Variants in FSTL5 observed in about 807,000 individuals in gnomAD.
The protein encoded by FSTL5 is follistatin like 5.
Under a neutral mutation model 89.1 loss-of-function variants are expected in FSTL5, and 62 were observed. That is an observed-to-expected ratio of 0.70 (90% CI 0.57 to 0.86). The LOEUF (loss-of-function observed/expected upper bound fraction) is 0.86, where lower values mean the gene tolerates loss of function less well. Among genes scored for constraint, FSTL5 ranks in the 40% least tolerant of loss-of-function variants. The pLI is 0.00. For missense variants in FSTL5, 1,057 were observed against 1,001.6 expected, an observed-to-expected ratio of 1.06 and a Z score of -0.75; for synonymous variants, 383 against 346.2, an observed-to-expected ratio of 1.11 and a Z score of -1.18.
chr4:161,774,871 A>C (rs960290730), intron 5 of FSTL5, among the ~76,000 whole-genome samples: 2 of 152,112 alleles, frequency 1.3e-5, no homozygotes, highest in Non-Finnish European at 2.9e-5. Flanking sequence ...TTCCAATTTT[A>C]CTCTGAATTC....
At chr4:162,141,099 CTT>C (rs1732715000) in intron 1 of FSTL5, among the ~76,000 whole-genome samples, 1 of 121,348 alleles carries the variant, frequency 8.2e-6, no homozygotes, top group Admixed American at 8.9e-5. Context: ...ACCTCCCTCC[CTT>C]CTCTCTTTTT....
intron 6 of FSTL5, among the ~76,000 whole-genome samples, chr4:161,717,670 T>TA (rs925339589): frequency 2.0e-5 from 3 of 151,982 alleles, no homozygotes; most frequent in Admixed American, 6.6e-5. Context: ...AACTTTTATG[T>TA]AAAAAAAACT....
chr4:161,956,551 A>G (rs1735031476), intron 3 of FSTL5, among the ~76,000 whole-genome samples: 1 of 151,946 alleles, frequency 6.6e-6, no homozygotes, highest in Admixed American at 6.6e-5. Flanking sequence ...ACAAAAGATT[A>G]GTATCTATTA....
intron 3 of FSTL5, among the ~76,000 whole-genome samples, chr4:161,979,491 G>A (rs1735754851): frequency 6.6e-6 from 1 of 151,872 alleles, no homozygotes; most frequent in East Asian, 1.9e-4. Flanking sequence ...TTATTAGCTT[G>A]TCTTAAAAAC....
At chr4:161,649,663 C>T (rs1029759715) in intron 7 of FSTL5, among the ~76,000 whole-genome samples, 1 of 152,084 alleles carries the variant, frequency 6.6e-6, no homozygotes, top group Non-Finnish European at 1.5e-5. Context: ...TTGTTGTCAC[C>T]AAATAGTCAT....
intron 7 of FSTL5, among the ~76,000 whole-genome samples, chr4:161,594,102 G>A (rs970033954): frequency 6.6e-6 from 1 of 152,142 alleles, no homozygotes; most frequent in South Asian, 2.1e-4. Flanking sequence ...AATAATTACC[G>A]ATGGCCAGAA....
intron 2 of FSTL5, among the ~76,000 whole-genome samples, chr4:162,067,419 A>G (rs1738956751): frequency 6.6e-6 from 1 of 152,044 alleles, no homozygotes; most frequent in African/African-American, 2.4e-5. Context: ...TGTTTTTGCT[A>G]TTGTGAATTA....
chr4:161,596,377 T>G (rs963395655), intron 7 of FSTL5, among the ~76,000 whole-genome samples: 7 of 151,878 alleles, frequency 4.6e-5, no homozygotes, highest in Admixed American at 2.6e-4. Context: ...TTGCTTAAAA[T>G]TATTAAGCAA....
chr4:161,973,434 T>A (rs932282039), intron 3 of FSTL5, among the ~76,000 whole-genome samples: 3 of 152,212 alleles, frequency 2.0e-5, no homozygotes, highest in African/African-American at 4.8e-5. Context: ...TACTTAAGTA[T>A]TTCAAATGAT....
At chr4:162,000,302 T>A (rs1333323811) in intron 3 of FSTL5, among the ~76,000 whole-genome samples, 1 of 152,012 alleles carries the variant, frequency 6.6e-6, no homozygotes, top group Non-Finnish European at 1.5e-5. Context: ...TTTTAAGAAA[T>A]ATAACAGGCC....
intron 15 of FSTL5, among the ~76,000 whole-genome samples, chr4:161,428,936 T>C (rs1732258835): frequency 6.6e-6 from 1 of 151,914 alleles, no homozygotes; most frequent in African/African-American, 2.4e-5. Flanking sequence ...GAGGTTTGGA[T>C]TCTAGATTTT....
rs147909052 is a variant in FSTL5 at position 161,662,413 on chromosome 4, C to A, written c.728-5919G>T. Among the ~76,000 whole-genome samples, 917 of 152,196 alleles carry A rather than the reference C, an allele frequency of 6.0e-3. 9 individuals carry two copies. Among genetic ancestry groups the A allele is most frequent in the South Asian group, 0.046 (220 of 4,830 alleles). On this transcript the variant is annotated intron_variant, in intron 6 of 15. Transcript: ENST00000306100. The stretch of plus-strand genomic sequence containing the variant: ...TATGAAAATAAAATTCCAGGTTAGA[C>A]ATTTTTACCATAAATAATAGAACTA...
intron 4 of FSTL5, among the ~76,000 whole-genome samples, chr4:161,906,946 G>A (rs1733554014): frequency 6.6e-6 from 1 of 152,066 alleles, no homozygotes; most frequent in African/African-American, 2.4e-5. Context: ...TACGGAGGTT[G>A]GTATGCATAC....
chr4:161,681,771 A>C (rs1207678657), intron 6 of FSTL5, among the ~76,000 whole-genome samples: 3 of 152,292 alleles, frequency 2.0e-5, no homozygotes, highest in Middle Eastern at 3.4e-3. Context: ...GAAAGGTTAA[A>C]TTTTAGAATA....
chr4:161,787,887 T>G (rs1741959603), intron 4 of FSTL5, among the ~76,000 whole-genome samples: 1 of 152,206 alleles, frequency 6.6e-6, no homozygotes, highest in Non-Finnish European at 1.5e-5. Flanking sequence ...AGTTGCTTTT[T>G]CATTAATTTG....
intron 4 of FSTL5, among the ~76,000 whole-genome samples, chr4:161,904,656 C>A (rs935102976): frequency 6.6e-6 from 1 of 150,670 alleles, no homozygotes; most frequent in Non-Finnish European, 1.5e-5. Context: ...CACAATAATC[C>A]CCCAAAATAT....
At chr4:161,556,937 T>G (rs1732415665) in intron 8 of FSTL5, among the ~76,000 whole-genome samples, 1 of 151,070 alleles carries the variant, frequency 6.6e-6, no homozygotes, top group African/African-American at 2.4e-5. Context: ...AGAACAATTT[T>G]TATATAAACT....
chr4:161,781,918 C>A (rs1396538935), intron 4 of FSTL5, among the ~76,000 whole-genome samples: 2 of 152,086 alleles, frequency 1.3e-5, no homozygotes, highest in Non-Finnish European at 2.9e-5. Context: ...CTCCTGTAAC[C>A]CTTGGCAACC....
At position 161,421,323 on chromosome 4, in the gene FSTL5, A is replaced by G. The variant is rs113312804; in HGVS notation, c.1841+33681T>C. ...GCCACTGCACTCCAGCCTGGGCTAC[A>G]GAGCAAAAGACTGTCTCAAAAAAAA... On this transcript the variant is annotated intron_variant, in intron 15 of 15. Coordinates refer to ENST00000306100, the MANE Select transcript of FSTL5 (RefSeq NM_020116.5). 8.9e-3 allele frequency among the ~76,000 whole-genome samples: 1,334 copies of G among 149,904 alleles called. 3 individuals are homozygous for G. Among genetic ancestry groups the G allele is most frequent in the Non-Finnish European group, 0.016 (1,074 of 67,232 alleles).
Sources: gnomAD v4.1 joint callset for allele counts (sites outside exome capture counted in the v4.1 genomes callset) on GRCh38, gnomAD v4.1.1 for gene constraint, MANE v1.5 for transcripts, NCBI Gene and HGNC (gene_info 2026-07-23, HGNC 2026-07-21) for gene names.